Variants in BMPER observed in about 807,000 individuals in gnomAD.
The protein encoded by BMPER is BMP-binding endothelial regulator protein.
A neutral mutation model predicts 87.3 loss-of-function variants in BMPER; 45 were observed. The observed-to-expected ratio is 0.52, with a 90% confidence interval of 0.41 to 0.66. The LOEUF (loss-of-function observed/expected upper bound fraction) is 0.66. Among genes scored for constraint, BMPER ranks in the 30% least tolerant of loss-of-function variants. The probability of loss-of-function intolerance (pLI) is 0.00; values close to 1 mark genes in which losing one functional copy is unlikely to be tolerated. For synonymous variants in BMPER, 326 were observed against 316.2 expected (o/e 1.03, Z -0.33); for missense variants, 784 against 867.5 (o/e 0.90, Z 1.21).
chr7:34,052,534 T>A (rs1788173740), intron 8 of BMPER, among the ~76,000 whole-genome samples: 1 of 152,244 alleles, frequency 6.6e-6, no homozygotes, highest in South Asian at 2.1e-4. Flanking sequence ...ACATCACACA[T>A]TCATAGACTG....
At chr7:33,944,829 T>C (rs1469930223) in intron 3 of BMPER, among the ~76,000 whole-genome samples, 1 of 152,218 alleles carries the variant, frequency 6.6e-6, no homozygotes, top group Non-Finnish European at 1.5e-5. Context: ...ATATATATTG[T>C]AAATTGGTCT....
intron 6 of BMPER, among the ~76,000 whole-genome samples, chr7:33,983,182 A>C (rs1433601660): frequency 6.6e-6 from 1 of 152,166 alleles, no homozygotes; most frequent in African/African-American, 2.4e-5. Flanking sequence ...ATTCTACCTC[A>C]TCCTGGACTT....
Position 33,906,801 on chromosome 7 carries a change from T to TC in BMPER, c.134-11dup. The TC allele has an allele frequency of 6.2e-7, 1 of 1,603,494 alleles. No homozygotes were observed. Among genetic ancestry groups the TC allele is most frequent in the Non-Finnish European group, 8.5e-7 (1 of 1,170,630 alleles). ...AAGCTAACTTTAAATGAAACATTTT[T>TC]CCCCCCTGAATTTCAGGTTCTGTTG... On this transcript the variant is annotated splice_polypyrimidine_tract_variant and intron_variant, in intron 1 of 14. Transcript: ENST00000649409.
chr7:34,069,580 C>T (rs556060943), intron 11 of BMPER, among the ~76,000 whole-genome samples: 6 of 152,134 alleles, frequency 3.9e-5, no homozygotes, highest in Non-Finnish European at 7.4e-5. Context: ...CACTGGCCTA[C>T]GAGACTCCAA....
intron 6 of BMPER, among the ~76,000 whole-genome samples, chr7:33,995,611 A>T (rs1376646063): frequency 3.9e-5 from 6 of 152,152 alleles, no homozygotes; most frequent in African/African-American, 1.2e-4. Context: ...AAGATTGATG[A>T]TATTTGGAAG....
intron 13 of BMPER, among the ~76,000 whole-genome samples, chr7:34,112,310 T>G (rs928409061): frequency 7.3e-5 from 11 of 151,564 alleles, no homozygotes; most frequent in Admixed American, 3.3e-4. Flanking sequence ...CCGGCTAACA[T>G]GGTGAAACCC....
intron 7 of BMPER, among the ~76,000 whole-genome samples, chr7:34,047,516 A>G (rs2127958358): frequency 6.6e-6 from 1 of 152,026 alleles, no homozygotes; most frequent in South Asian, 2.1e-4. Flanking sequence ...TGACCTTGTG[A>G]TCCACCCACC....
intron 4 of BMPER, among the ~76,000 whole-genome samples, chr7:33,969,556 C>T (rs1239157387): frequency 2.0e-5 from 3 of 152,172 alleles, no homozygotes; most frequent in Admixed American, 6.5e-5. Flanking sequence ...CCTGCCACCA[C>T]GCCCGGCTAA....
At chr7:34,034,218 T>C (rs953032264) in intron 6 of BMPER, among the ~76,000 whole-genome samples, 8 of 152,194 alleles carry the variant, frequency 5.3e-5, no homozygotes, top group Non-Finnish European at 1.2e-4. Context: ...CAATTTAATA[T>C]AACTTATTGG....
chr7:33,962,948 A>G (rs1785309233), intron 3 of BMPER, among the ~76,000 whole-genome samples: 1 of 152,190 alleles, frequency 6.6e-6, no homozygotes, highest in Non-Finnish European at 1.5e-5. Flanking sequence ...TGCTGGTTTT[A>G]TTCCTGGGCC....
chr7:34,005,019 C>G (rs1179246732), intron 6 of BMPER, among the ~76,000 whole-genome samples: 2 of 152,108 alleles, frequency 1.3e-5, no homozygotes, highest in Non-Finnish European at 2.9e-5. Flanking sequence ...TTTAATGCTG[C>G]TTCAAGTAGC....
rs140613946 is a variant in BMPER at position 33,949,147 on chromosome 7, AT to A, written c.319+11769del. Among the ~76,000 whole-genome samples, 862 of 150,484 alleles carry A rather than the reference AT, an allele frequency of 5.7e-3. 8 individuals are homozygous for A. Among genetic ancestry groups the A allele is most frequent in the African/African-American group, 0.02 (810 of 41,042 alleles). Reference sequence around the variant, plus strand: ...CCTTTATCTGGGAACCCTCAACTCAATTTTTTTTTTCCTCACTAGTACTCAT... The same window carrying A: ...CCTTTATCTGGGAACCCTCAACTCAATTTTTTTTTCCTCACTAGTACTCAT... On this transcript the variant is annotated intron_variant, in intron 3 of 14. Transcript: ENST00000649409.
intron 6 of BMPER, among the ~76,000 whole-genome samples, chr7:34,040,227 T>C (rs1787799014): frequency 6.6e-6 from 1 of 152,118 alleles, no homozygotes; most frequent in Admixed American, 6.5e-5. Flanking sequence ...GGGAAGGAAG[T>C]GCTGCTGCCT....
chr7:33,927,315 C>A (rs1784384654), intron 2 of BMPER, among the ~76,000 whole-genome samples: 1 of 152,132 alleles, frequency 6.6e-6, no homozygotes, highest in South Asian at 2.1e-4. Flanking sequence ...CTGGTGGGTT[C>A]ACTGTAGGTA....
intron 13 of BMPER, among the ~76,000 whole-genome samples, chr7:34,089,919 A>C (rs369345220): frequency 1.3e-5 from 2 of 152,334 alleles, no homozygotes; most frequent in East Asian, 3.9e-4. Flanking sequence ...ACTTCATAGT[A>C]ATCAATATTT....
chr7:33,963,152 A>G (rs1445798511), intron 3 of BMPER, among the ~76,000 whole-genome samples: 1 of 152,228 alleles, frequency 6.6e-6, no homozygotes, highest in Non-Finnish European at 1.5e-5. Flanking sequence ...TGTAAAAAGA[A>G]GGAGATAACT....
intron 6 of BMPER, among the ~76,000 whole-genome samples, chr7:33,996,221 AT>A (rs200544921): frequency 1.0e-4 from 15 of 149,060 alleles, no homozygotes; most frequent in Middle Eastern, 3.5e-3. Flanking sequence ...TCCCACCCCC[AT>A]TTTTTTTTTA....
intron 6 of BMPER, among the ~76,000 whole-genome samples, chr7:34,030,363 AG>A (rs1294547799): frequency 1.3e-5 from 2 of 152,146 alleles, no homozygotes; most frequent in East Asian, 3.9e-4. Flanking sequence ...AATATGTTCA[AG>A]TGCCATGGCA....
intron 13 of BMPER, among the ~76,000 whole-genome samples, chr7:34,140,923 T>C (rs995310565): frequency 5.9e-5 from 9 of 152,114 alleles, no homozygotes; most frequent in African/African-American, 1.9e-4. Context: ...TCCATCCAGG[T>C]CTTGGCAGTG....
Sources: allele counts gnomAD v4.1 joint callset (sites outside exome capture counted in the v4.1 genomes callset), GRCh38; gene constraint gnomAD v4.1.1; transcripts MANE v1.5; gene names NCBI Gene and HGNC (gene_info 2026-07-23, HGNC 2026-07-21).